Variants in TTC21B observed in about 807,000 individuals in gnomAD.
TTC21B encodes tetratricopeptide repeat protein 21B.
TTC21B carries 127 observed loss-of-function variants against 175.1 expected under a neutral mutation model. That is an observed-to-expected ratio of 0.73 (90% CI 0.63 to 0.84). The LOEUF is 0.84. Ranked by LOEUF, TTC21B falls within the 40% of genes least tolerant of loss-of-function variation. TTC21B has a pLI of 0.00. For synonymous variants in TTC21B, 524 were observed against 524.5 expected (o/e 1.00, Z 0.01); for missense variants, 1,561 against 1,558.3 (o/e 1.00, Z -0.03).
At position 165,929,654 on chromosome 2, in the gene TTC21B, G is replaced by A. The variant is rs748339995; in HGVS notation, c.1181C>T (p.Ser394Phe). Residue 394 changes from serine (S) to phenylalanine (F), a missense_variant, in exon 10 of 29, where the codon TCT becomes TTT. Coordinates refer to ENST00000243344, the MANE Select transcript of TTC21B (RefSeq NM_024753.5). ...TGATAAAATAAAATACTGTACCGCAGATTTTCCAATGGATTGCTGGATTTC... is the reference window on the plus strand; with the variant it reads ...TGATAAAATAAAATACTGTACCGCAAATTTTCCAATGGATTGCTGGATTTC... ...LNEIQQSIGK[S>F]AELIYLHAVL... 1.2e-5 allele frequency: 19 copies of A among 1,608,462 alleles called. No homozygotes were observed. The South Asian group carries it at 2.0e-4, about 17-fold the overall frequency.
intron 6 of TTC21B, among the ~76,000 whole-genome samples, chr2:165,936,224 T>C (rs1687136253): frequency 6.6e-6 from 1 of 152,066 alleles, no homozygotes. Flanking sequence ...AGACACTCTT[T>C]TCAATAAATG....
intron 6 of TTC21B, among the ~76,000 whole-genome samples, chr2:165,940,804 GT>G (rs1436200048): frequency 6.6e-6 from 1 of 152,076 alleles, no homozygotes; most frequent in Non-Finnish European, 1.5e-5. Flanking sequence ...ATATTGGCCT[GT>G]TTGCCTAAAA....
chr2:165,890,438 C>T (rs1685147138), intron 24 of TTC21B, 41 bp downstream of exon 24: 1 of 1,596,268 alleles, frequency 6.3e-7, no homozygotes, highest in Admixed American at 1.7e-5. Context: ...TTATCTCCAA[C>T]AAGTGTTTTT....
intron 25 of TTC21B, 58 bp from the exon 26 acceptor site, chr2:165,884,076 A>AT: frequency 1.5e-6 from 2 of 1,368,268 alleles, no homozygotes; most frequent in Middle Eastern, 3.6e-4. Context: ...CCCCAAAAAC[A>AT]TACAGAAAGC....
intron 6 of TTC21B, 74 bp from the exon 7 acceptor site, chr2:165,933,131 GTT>G (rs1686975889): frequency 7.4e-7 from 1 of 1,349,080 alleles, no homozygotes; most frequent in African/African-American, 1.5e-5. Flanking sequence ...TGAAAAGTTG[GTT>G]TGCTTGCCTC....
intron 14 of TTC21B, among the ~76,000 whole-genome samples, chr2:165,915,957 G>A (rs1418679800): frequency 6.6e-6 from 1 of 152,094 alleles, no homozygotes; most frequent in Non-Finnish European, 1.5e-5. Flanking sequence ...AACTTTATAG[G>A]GTATAATTGG....
At chr2:165,875,342 GA>G (rs971146165) in intron 28 of TTC21B, among the ~76,000 whole-genome samples, 9 of 151,802 alleles carry the variant, frequency 5.9e-5, no homozygotes, top group Non-Finnish European at 1.2e-4. Flanking sequence ...TAACCTGACT[GA>G]AATACTGCTT....
intron 27 of TTC21B, chr2:165,879,957 AG>A (rs1421693260): frequency 6.6e-6 from 1 of 152,344 alleles, no homozygotes; most frequent in Non-Finnish European, 1.5e-5. Context: ...TGCAATTTAA[AG>A]GGTCATGATC....
chr2:165,941,695 C>T (rs575867450), intron 5 of TTC21B, among the ~76,000 whole-genome samples: 1 of 151,806 alleles, frequency 6.6e-6, no homozygotes, highest in Admixed American at 6.6e-5. Flanking sequence ...TTGGACAAGA[C>T]CACAAGGAAG....
intron 27 of TTC21B, chr2:165,879,559 T>C (rs1289699319): frequency 2.0e-5 from 3 of 152,174 alleles, no homozygotes; most frequent in Non-Finnish European, 4.4e-5. Context: ...AAAAGACTGA[T>C]GCCATCTTAG....
rs182154951 is a variant in TTC21B, at chr2:165,925,071, T to G, written c.1387-393A>C. 2.2e-4 allele frequency among the ~76,000 whole-genome samples: 34 copies of G among 152,288 alleles called. No homozygotes were observed. In the East Asian group the frequency reaches 5.6e-3, roughly 25 times the overall value. On this transcript the variant is annotated intron_variant, in intron 11 of 28. Coordinates refer to ENST00000243344, the MANE Select transcript of TTC21B (RefSeq NM_024753.5). Reference sequence around the variant, plus strand: ...GGCAGTAAGTGTTCGAATTCTAGATTTGCCTTGTGATTTGCTCAATTCAAT... The same window carrying G: ...GGCAGTAAGTGTTCGAATTCTAGATGTGCCTTGTGATTTGCTCAATTCAAT...
chr2:165,949,373 C>A (rs1463457477), intron 3 of TTC21B, 21 bp downstream of exon 3: 2 of 1,532,776 alleles, frequency 1.3e-6, no homozygotes, highest in Non-Finnish European at 1.8e-6. Flanking sequence ...ATGTCCTAAG[C>A]ATTGCATTTA....
At chr2:165,906,842 C>A (rs768286977) in intron 19 of TTC21B, among the ~76,000 whole-genome samples, 2 of 149,682 alleles carry the variant, frequency 1.3e-5, no homozygotes, top group Middle Eastern at 3.5e-3. Flanking sequence ...GTAATCCCAG[C>A]AACTCAGGAG....
Position 165,945,671 on chromosome 2 carries a change from T to C in TTC21B, c.282A>G (p.Glu94=), listed in dbSNP as rs1189120472. 6.2e-7 allele frequency: 1 copy of C among 1,613,368 alleles called. No individual in the cohort carries two copies. The highest frequency in any genetic ancestry group is 1.3e-5 in the African/African-American group (1 of 74,922). The change falls in exon 4 of 29, where the codon GAA becomes GAG. Residue 94 remains glutamate, a synonymous_variant. Transcript: ENST00000243344. ...SPNPDREAIL[E]SDARVKEQRK... ...GTTGTTCCTTCACTCTGGCATCTGA[T>C]TCCAGAATAGCTTCTCTATCTGGTA...
chr2:165,880,909 A>C, intron 26 of TTC21B, 110 bp from the exon 27 acceptor site: 1 of 1,218,850 alleles, frequency 8.2e-7, no homozygotes, highest in Non-Finnish European at 1.2e-6. Flanking sequence ...ATGACAAATC[A>C]AACAATGGTT....
chr2:165,943,858 A>G (rs1156267886), intron 4 of TTC21B, among the ~76,000 whole-genome samples: 1 of 152,156 alleles, frequency 6.6e-6, no homozygotes, highest in Non-Finnish European at 1.5e-5. Flanking sequence ...AGAAATTATA[A>G]ACTGAAGAAC....
chr2:165,887,396 G>T (rs1685028990), intron 25 of TTC21B, among the ~76,000 whole-genome samples: 1 of 63,038 alleles, frequency 1.6e-5, no homozygotes, highest in Non-Finnish European at 3.0e-5. Flanking sequence ...AAGAAATAAA[G>T]TGCTGTGTGA....
chr2:165,919,480 T>TG, intron 12 of TTC21B, 47 bp from the exon 13 acceptor site: 1 of 1,592,592 alleles, frequency 6.3e-7, no homozygotes. Context: ...GATTAAGAAA[T>TG]GGAGATCTGA....
intron 1 of TTC21B, among the ~76,000 whole-genome samples, chr2:165,950,388 T>TG (rs1327071422): frequency 6.6e-6 from 1 of 152,204 alleles, no homozygotes; most frequent in Non-Finnish European, 1.5e-5. Flanking sequence ...AATGGGCCTG[T>TG]GCTGTCTACC....
Sources: allele counts gnomAD v4.1 joint callset (sites outside exome capture counted in the v4.1 genomes callset), GRCh38; gene constraint gnomAD v4.1.1; transcripts MANE v1.5; gene names NCBI Gene and HGNC (gene_info 2026-07-23, HGNC 2026-07-21).